The following FAAH variants were observed in gnomAD, a reference collection of about 807,000 sequenced individuals.
FAAH encodes the protein fatty-acid amide hydrolase 1.
In FAAH, 63 loss-of-function variants were observed where a neutral mutation model predicts 69.7. The observed-to-expected ratio is 0.90, with a 90% CI of 0.74 to 1.12. FAAH has a LOEUF of 1.12. Ranked by LOEUF, FAAH falls within the 50% of genes most tolerant of loss-of-function variation. The pLI is 0.00. For missense variants in FAAH, 680 were observed against 755.0 expected (o/e 0.90, Z 1.16); for synonymous variants, 305 against 324.2 (o/e 0.94, Z 0.64).
chr1:46,408,365 G>C, intron 7 of FAAH, 94 bp from the exon 8 acceptor site: 4 of 1,561,212 alleles, frequency 2.6e-6, no homozygotes, highest in South Asian at 1.1e-5. Flanking sequence ...CCTCGCAGCT[G>C]TGTCTGGGGC....
At chr1:46,412,739 A>G (rs1010214539) in intron 13 of FAAH, among the ~76,000 whole-genome samples, 2 of 152,130 alleles carry the variant, frequency 1.3e-5, no homozygotes, top group Admixed American at 6.5e-5. Flanking sequence ...TGAGCCCAGG[A>G]GGTCAAGGCT....
chr1:46,413,674 G>A lies in FAAH; in HGVS notation c.*99G>A, dbSNP rs202149590. On this transcript the variant is annotated 3_prime_UTR_variant, in exon 15 of 15. Transcript: ENST00000243167. ...GCCACAGCAAGGAAATGTCCTGCAT[G>A]GGGCAGAGGCTTCCGTGTCCTCTCC... is the stretch of plus-strand genomic sequence containing the variant. 6.4e-7 allele frequency: 1 copy of A among 1,568,438 alleles called. No homozygotes were observed.
chr1:46,404,546 G>C lies in FAAH; in HGVS notation c.310-468G>C, dbSNP rs2148448559. 6.6e-6 allele frequency among the ~76,000 whole-genome samples: 1 copy of C among 152,366 alleles called. No homozygotes were observed. Among genetic ancestry groups the C allele is most frequent in the Non-Finnish European group, 1.5e-5 (1 of 68,026 alleles). On this transcript the variant is annotated intron_variant, in intron 2 of 14. Coordinates refer to ENST00000243167, the MANE Select transcript of FAAH (RefSeq NM_001441.3). This position sits in a 1 kb window ranked among gnomAD's most constrained non-coding sequence, Gnocchi z 4.5. ...TGTGGGGAAGGCGTGGGGTTGAGGA[G>C]AGACTGCTGGGCTCCGGGAGGCAGG...
chr1:46,400,169 G>A (rs1194261006), intron 1 of FAAH, among the ~76,000 whole-genome samples: 4 of 138,368 alleles, frequency 2.9e-5, no homozygotes, highest in African/African-American at 2.6e-5. Context: ...GAGGGCAGGC[G>A]CCAGGCTCTG....
chr1:46,394,679 C>G, intron 1 of FAAH, 136 bp downstream of exon 1: 1 of 773,868 alleles, frequency 1.3e-6, no homozygotes, highest in Non-Finnish European at 1.8e-6. Flanking sequence ...TCTCCTTGCC[C>G]TAAGATATTC....
chr1:46,401,699 G>A (rs1664705675), intron 1 of FAAH, among the ~76,000 whole-genome samples: 1 of 152,184 alleles, frequency 6.6e-6, no homozygotes, highest in South Asian at 2.1e-4. Context: ...ACATCAGCGT[G>A]GTGTTGGCAC....
At chr1:46,397,604 C>T (rs1664619253) in intron 1 of FAAH, among the ~76,000 whole-genome samples, 1 of 152,188 alleles carries the variant, frequency 6.6e-6, no homozygotes, top group Admixed American at 6.5e-5. Flanking sequence ...CTCTGTCGCC[C>T]AGGCTGGAGT....
chr1:46,413,150 C>A lies in FAAH; in HGVS notation c.1541C>A (p.Ala514Asp). The part of the protein sequence containing the change: ...AGVVPVTTVT[A>D]EDEAQMEHYR... ...GTGGTGCCTGTCACCACGGTGACTGCTGAGGACGAGGCCCAGATGGAACAT... is the reference window on the plus strand; with the variant it reads ...GTGGTGCCTGTCACCACGGTGACTGATGAGGACGAGGCCCAGATGGAACAT... Residue 514 changes from alanine to aspartate, a missense_variant, in exon 14 of 15, where the codon GCT (alanine) becomes GAT (aspartate). By Grantham distance (126) the Ala-to-Asp change is moderately radical. Coordinates refer to ENST00000243167, the MANE Select transcript of FAAH (RefSeq NM_001441.3). 1.2e-6 allele frequency: 2 copies of A among 1,614,144 alleles called. No homozygotes were observed. The highest frequency in any genetic ancestry group is 2.2e-5 in the East Asian group (1 of 44,884).
Position 46,411,663 on chromosome 1 carries a change from G to A in FAAH, c.1356+12G>A, listed in dbSNP as rs1569825373. ...AGCACGAGATCGAGGTGAGGCCAGA[G>A]CCTCTGGATTGGAGCAGGGTGGTGG... On this transcript the variant is annotated intron_variant, in intron 12 of 14. Transcript: ENST00000243167. The surrounding 1 kb of genome is among the most constrained non-coding windows in gnomAD (Gnocchi z 4.8). 7 of 1,613,992 alleles carry A rather than the reference G, an allele frequency of 4.3e-6. No individual in the cohort carries two copies. The highest frequency in any genetic ancestry group is 5.9e-6 in the Non-Finnish European group (7 of 1,179,944).
chr1:46,412,097 G>C, intron 12 of FAAH, 46 bp from the exon 13 acceptor site: 1 of 1,489,956 alleles, frequency 6.7e-7, no homozygotes, highest in Non-Finnish European at 9.2e-7. Flanking sequence ...AGCCTGGGGT[G>C]GGCTAGGTCT....
rs1235468657 is a variant in FAAH at position 46,405,262 on chromosome 1, G to A, written c.445-110G>A. On this transcript the variant is annotated intron_variant, in intron 3 of 14. Transcript: ENST00000243167. This position sits in a 1 kb window ranked among gnomAD's most constrained non-coding sequence, Gnocchi z 4.1. ...GAGGTATCAGGTCCAGAGGCCTTCCGAGGGGACACTGGTATACCTGTTTTG... is the reference window on the plus strand; with the variant it reads ...GAGGTATCAGGTCCAGAGGCCTTCCAAGGGGACACTGGTATACCTGTTTTG... 11 of 1,608,864 alleles carry A rather than the reference G, an allele frequency of 6.8e-6. No homozygotes were observed. Among genetic ancestry groups the A allele is most frequent in the African/African-American group, 4.0e-5 (3 of 74,888 alleles).
chr1:46,406,166 T>A, intron 6 of FAAH, 78 bp from the exon 7 acceptor site: 1 of 1,613,822 alleles, frequency 6.2e-7, no homozygotes, highest in Non-Finnish European at 8.5e-7. Context: ...GGCAGGGCAG[T>A]GTCTGGCCCC....
In FAAH at chr1:46,411,348, C is replaced by T. The variant is rs1664909803; in HGVS notation, c.1317-264C>T. Among the ~76,000 whole-genome samples the T allele has an allele frequency of 6.6e-6, 1 of 152,258 alleles. No homozygotes were observed. The highest frequency in any genetic ancestry group is 1.5e-5 in the Non-Finnish European group (1 of 68,046). The stretch of plus-strand genomic sequence containing the variant: ...TCAGGACTGGCAGCAGCTATGGCCT[C>T]TCCCGTGTCCTGAGGGTAGCGAGGA... On this transcript the variant is annotated intron_variant, in intron 11 of 14. Coordinates refer to ENST00000243167, the MANE Select transcript of FAAH (RefSeq NM_001441.3). The surrounding 1 kb of genome is among the most constrained non-coding windows in gnomAD (Gnocchi z 4.8).
In FAAH at chr1:46,402,395, G is replaced by T. The variant is rs144471886; in HGVS notation, c.309+191G>T. ...AGGGAAGGAGCCAGAGCGTGTGCGT[G>T]TGTGTATGTATGTGTGTATGAGACA... On this transcript the variant is annotated intron_variant, in intron 2 of 14. Coordinates refer to ENST00000243167, the MANE Select transcript of FAAH (RefSeq NM_001441.3). 5.8e-4 allele frequency among the ~76,000 whole-genome samples: 88 copies of T among 152,382 alleles called. 2 individuals are homozygous for T. The South Asian group carries it at 0.013, about 22-fold the overall frequency.
In FAAH at chr1:46,410,121, G is replaced by A. The variant is rs770864660; in HGVS notation, c.1176-277G>A. ...GTACCCTCAGGGAGGCCTCATCAGGGAGATGTTGCCCTCAGTTCTTAGAGC... is the reference window on the plus strand; with the variant it reads ...GTACCCTCAGGGAGGCCTCATCAGGAAGATGTTGCCCTCAGTTCTTAGAGC... On this transcript the variant is annotated intron_variant, in intron 9 of 14. Coordinates refer to ENST00000243167, the MANE Select transcript of FAAH (RefSeq NM_001441.3). The surrounding 1 kb of genome is among the most constrained non-coding windows in gnomAD (Gnocchi z 4.9). 4.8e-4 allele frequency: 201 copies of A among 419,298 alleles called. No homozygotes were observed. Among genetic ancestry groups the A allele is most frequent in the Non-Finnish European group, 7.7e-4 (174 of 227,084 alleles). 26.0% of individuals were successfully genotyped at this position (419,298 alleles called of 1,614,324 possible).
At chr1:46,400,036 T>C (rs756544805) in intron 1 of FAAH, among the ~76,000 whole-genome samples, 11 of 152,118 alleles carry the variant, frequency 7.2e-5, no homozygotes, top group Non-Finnish European at 1.5e-4. Flanking sequence ...CATTTTTTCT[T>C]CTTTGTAGCT....
In FAAH at chr1:46,412,013, C is replaced by T. The variant is rs1664924855; in HGVS notation, c.1357-130C>T. 6.2e-6 allele frequency: 5 copies of T among 806,276 alleles called. No individual in the cohort carries two copies. In the Admixed American group the frequency reaches 1.0e-4, roughly 16 times the overall value. 49.9% of individuals were successfully genotyped at this position (806,276 alleles called of 1,614,324 possible). A position where few individuals can be genotyped will look rare whatever the true frequency, so the allele number is the denominator to read the frequency against. ...CTGCCTGCCCGGAGGACCTGTGTCC[C>T]ACTGTGGCTCTGTTCAGATCCAGGG... is the stretch of plus-strand genomic sequence containing the variant. On this transcript the variant is annotated intron_variant, in intron 12 of 14. Transcript: ENST00000243167.
intron 6 of FAAH, 46 bp downstream of exon 6, chr1:46,406,124 G>T: frequency 6.2e-7 from 1 of 1,614,038 alleles, no homozygotes; most frequent in Non-Finnish European, 8.5e-7. Context: ...GTGGGGGTCG[G>T]CCTGACCCGC....
chr1:46,409,361 G>T (rs1317432277), intron 9 of FAAH, 163 bp downstream of exon 9: 14 of 670,934 alleles, frequency 2.1e-5, no homozygotes, highest in Admixed American at 8.3e-5. Context: ...GGCACATTGA[G>T]CCTGGAGATC....
Sources: allele counts gnomAD v4.1 joint callset (sites outside exome capture counted in the v4.1 genomes callset), GRCh38; gene constraint gnomAD v4.1.1; non-coding constraint Gnocchi (gnomAD v3.1); transcripts MANE v1.5; gene names NCBI Gene and HGNC (gene_info 2026-07-23, HGNC 2026-07-21).